The following ZNF215 variants were observed in gnomAD, a reference collection of about 807,000 sequenced individuals.
ZNF215 encodes the protein BWSCR2-associated zinc finger protein 2.
In ZNF215, 24 loss-of-function variants were observed where a neutral mutation model predicts 27.2. The observed-to-expected ratio is 0.88, with a 90% CI of 0.64 to 1.24. The LOEUF is 1.24. ZNF215 is among the 50% of genes most tolerant of loss of function. ZNF215 has a pLI of 0.00. For synonymous variants in ZNF215, 210 were observed against 204.0 expected, an observed-to-expected ratio of 1.03 and a Z score of -0.25; for missense variants, 675 against 605.7, an observed-to-expected ratio of 1.11 and a Z score of -1.20.
intron 6 of ZNF215, among the ~76,000 whole-genome samples, chr11:6,951,354 A>G (rs1272557040): frequency 1.3e-5 from 2 of 152,104 alleles, no homozygotes; most frequent in East Asian, 1.9e-4. Flanking sequence ...CTGTGAATCC[A>G]TCTGGTCCTG....
chr11:6,928,330 T>C (rs1849132446), intron 2 of ZNF215, among the ~76,000 whole-genome samples: 2 of 152,218 alleles, frequency 1.3e-5, no homozygotes, highest in Non-Finnish European at 2.9e-5. Context: ...TCTGAGAAAG[T>C]TACCTAATAT....
chr11:6,938,290 A>C (rs1473229235), intron 3 of ZNF215, among the ~76,000 whole-genome samples: 2 of 151,944 alleles, frequency 1.3e-5, no homozygotes, highest in Non-Finnish European at 2.9e-5. Flanking sequence ...CCATAACAAC[A>C]CCCACTAGGA....
chr11:6,969,888 C>A (rs960063837), intron 5 of ZNF215, among the ~76,000 whole-genome samples: 1 of 152,192 alleles, frequency 6.6e-6, no homozygotes, highest in Non-Finnish European at 1.5e-5. Context: ...ACAAGCAATT[C>A]TCCTGCCTCA....
intron 3 of ZNF215, among the ~76,000 whole-genome samples, chr11:6,937,778 G>A (rs973013720): frequency 6.6e-6 from 1 of 151,678 alleles, no homozygotes; most frequent in East Asian, 1.9e-4. Context: ...AATATTGCTG[G>A]GACCCCTTGA....
downstream of ZNF215, among the ~76,000 whole-genome samples, chr11:6,962,595 C>T (rs1007916729): frequency 2.6e-5 from 4 of 152,036 alleles, no homozygotes; most frequent in African/African-American, 4.8e-5. Flanking sequence ...TTAAGTTTGA[C>T]TGTTCATCTC....
At chr11:6,968,843 GC>G (rs1850672604) in intron 5 of ZNF215, among the ~76,000 whole-genome samples, 1 of 151,836 alleles carries the variant, frequency 6.6e-6, no homozygotes, top group African/African-American at 2.4e-5. Flanking sequence ...TCCAGCCTGG[GC>G]AACAGAGCGA....
downstream of ZNF215, among the ~76,000 whole-genome samples, chr11:6,960,046 TA>T (rs1432266789): frequency 6.6e-6 from 1 of 152,102 alleles, no homozygotes; most frequent in Non-Finnish European, 1.5e-5. Context: ...AAAACTGGTC[TA>T]AAAAGTTAAA....
At chr11:6,934,718 TCA>T (rs1849376784) in intron 3 of ZNF215, among the ~76,000 whole-genome samples, 1 of 152,208 alleles carries the variant, frequency 6.6e-6, no homozygotes, top group Non-Finnish European at 1.5e-5. Context: ...TAGGTTGTGA[TCA>T]CCTGAATAAT....
chr11:6,956,686 A>G lies in ZNF215; in HGVS notation c.*155A>G. On this transcript the variant is annotated 3_prime_UTR_variant, in exon 7 of 7. Coordinates refer to ENST00000278319, the MANE Select transcript of ZNF215 (RefSeq NM_013250.4). ...CACAGAATTAATGTTGGATAGAAAT[A>G]TCATTGGATAGAAATCTGTTTGAAG... is the stretch of plus-strand genomic sequence containing the variant. The G allele has an allele frequency of 1.4e-6, 2 of 1,387,744 alleles. No individual in the cohort carries two copies. Among genetic ancestry groups the G allele is most frequent in the Non-Finnish European group, 1.9e-6 (2 of 1,079,068 alleles). The allele number at this position is 1,387,744 out of a possible 1,614,324, so 86.0% of individuals were successfully genotyped here.
intron 5 of ZNF215, among the ~76,000 whole-genome samples, chr11:6,978,296 G>A (rs531477133): frequency 1.3e-5 from 2 of 152,132 alleles, no homozygotes; most frequent in African/African-American, 4.8e-5. Flanking sequence ...ATTGAATGAA[G>A]CCTTAGAAGA....
intron 5 of ZNF215, among the ~76,000 whole-genome samples, chr11:6,977,857 C>G (rs1283702728): frequency 6.6e-6 from 1 of 152,064 alleles, no homozygotes; most frequent in Non-Finnish European, 1.5e-5. Context: ...ATGACCTAAT[C>G]ACTCATAAAA....
rs1414242242 is a variant in ZNF215 at position 6,932,460 on chromosome 11, A to G, written c.188A>G (p.His63Arg). ...HFQYLKVSGP[H>R]EALSQLWELC... ...CAGTATTTGAAAGTGTCTGGGCCCC[A>G]TGAAGCCCTGAGCCAACTCTGGGAG... is the stretch of plus-strand genomic sequence containing the variant. Residue 63 changes from histidine to arginine, a missense_variant, in exon 3 of 7, where the codon CAT becomes CGT. Transcript: ENST00000278319. The G allele has an allele frequency of 2.5e-6, 4 of 1,614,164 alleles. No individual in the cohort carries two copies. In the East Asian group the frequency reaches 6.7e-5, roughly 27 times the overall value.
rs753952914 is a variant in ZNF215 at position 6,932,501 on chromosome 11, C to T, written c.229C>T (p.Leu77=). Residue 77 remains leucine, a synonymous_variant, in exon 3 of 7, where the codon CTG becomes TTG. Coordinates refer to ENST00000278319, the MANE Select transcript of ZNF215 (RefSeq NM_013250.4). ...SQLWELCLQW[L]RPEIHTKKQI... ...ACTCTGGGAGCTCTGTCTTCAATGG[C>T]TGAGACCAGAGATTCATACAAAGAA... 2 of 1,614,118 alleles carry T rather than the reference C, an allele frequency of 1.2e-6. No individual in the cohort carries two copies. The highest frequency in any genetic ancestry group is 8.5e-7 in the Non-Finnish European group (1 of 1,180,032).
At position 6,976,789 on chromosome 11, in the gene ZNF215, G is replaced by A. The variant is rs1181498108; in HGVS notation, c.806-7340G>A. On this transcript the variant is annotated intron_variant, in intron 5 of 5. Transcript: ENST00000529903. ...CTTGTTTGTGGAGAGAAATACACAT[G>A]TATATGTTTTCTGTTTCTTCTATAA... 3.9e-5 allele frequency among the ~76,000 whole-genome samples: 6 copies of A among 152,042 alleles called. No individual in the cohort carries two copies. In the East Asian group the frequency reaches 9.6e-4, roughly 24 times the overall value.
intron 6 of ZNF215, among the ~76,000 whole-genome samples, chr11:6,951,547 G>C (rs371343884): frequency 2.0e-5 from 3 of 152,080 alleles, no homozygotes; most frequent in Non-Finnish European, 2.9e-5. Context: ...TTCTCTGATG[G>C]TAGTTTGTAT....
At chr11:6,979,050 T>G (rs927408207) in intron 5 of ZNF215, among the ~76,000 whole-genome samples, 1 of 152,038 alleles carries the variant, frequency 6.6e-6, no homozygotes, top group Non-Finnish European at 1.5e-5. Flanking sequence ...TTATGCTGTT[T>G]TAAAGCTCTT....
chr11:6,956,243 T>A lies in ZNF215; in HGVS notation c.1266T>A (p.Leu422=). Residue 422 remains leucine, a synonymous_variant, in exon 7 of 7, where the codon CTT becomes CTA. Coordinates refer to ENST00000278319, the MANE Select transcript of ZNF215 (RefSeq NM_013250.4). ...GATTCTTCAACCGACGTACAAACCT[T>A]ACTAAGCATCAAAAACTTCATGCTG... ...CGRFFNRRTN[L]TKHQKLHAEA... is the part of the protein sequence containing the mutation. 1 of 1,613,830 alleles carries A rather than the reference T, an allele frequency of 6.2e-7. No homozygotes were observed. Among genetic ancestry groups the A allele is most frequent in the Non-Finnish European group, 8.5e-7 (1 of 1,179,946 alleles).
In ZNF215 at chr11:6,947,810, C is replaced by T. The variant is rs560178084; in HGVS notation, c.712+4169C>T. 3.9e-5 allele frequency among the ~76,000 whole-genome samples: 6 copies of T among 152,134 alleles called. 1 individual carries two copies. The South Asian group carries it at 1.2e-3, about 32-fold the overall frequency. On this transcript the variant is annotated intron_variant, in intron 6 of 6. Transcript: ENST00000278319. ...TTCCATACGATGTTAGCTGGGAATG[C>T]AGCATTCCAGGGCTCAAATGGGATG...
At chr11:6,959,367 C>A (rs557509006), downstream of ZNF215, among the ~76,000 whole-genome samples, 1 of 152,252 alleles carries the variant, frequency 6.6e-6, no homozygotes, top group African/African-American at 2.4e-5. Context: ...CATGAGAGGT[C>A]TTGTAAGCCA....
Sources: gnomAD v4.1 joint callset for allele counts (sites outside exome capture counted in the v4.1 genomes callset) on GRCh38, gnomAD v4.1.1 for gene constraint, MANE v1.5 for transcripts, NCBI Gene and HGNC (gene_info 2026-07-23, HGNC 2026-07-21) for gene names.